Variants in MALRD1 observed in about 807,000 individuals in gnomAD.
MALRD1 encodes the protein MAM and LDL-receptor class A domain-containing protein 1.
MALRD1 carries 247 observed loss-of-function variants against 242.1 expected under a neutral mutation model. The observed-to-expected ratio is 1.02, with a 90% confidence interval of 0.92 to 1.13. MALRD1 has a LOEUF of 1.13. Ranked by LOEUF, MALRD1 falls within the 50% of genes most tolerant of loss-of-function variation. The pLI, the probability that MALRD1 is intolerant of heterozygous loss-of-function variation, is 0.00. For missense variants in MALRD1, 2,989 were observed against 2,533.1 expected, an observed-to-expected ratio of 1.18 and a Z score of -3.86; for synonymous variants, 995 against 866.6, an observed-to-expected ratio of 1.15 and a Z score of -2.60.
At chr10:19,639,559 G>T (rs1840294032) in intron 36 of MALRD1, among the ~76,000 whole-genome samples, 1 of 152,112 alleles carries the variant, frequency 6.6e-6, no homozygotes, top group African/African-American at 2.4e-5. Context: ...AAATCTCAGT[G>T]GTCCATTCCT....
rs1838370712 is a variant in MALRD1 at position 19,237,435 on chromosome 10, A to G, written c.2992-20249A>G. 1.4e-5 allele frequency among the ~76,000 whole-genome samples: 2 copies of G among 147,936 alleles called. 1 individual carries two copies. The highest frequency in any genetic ancestry group is 4.2e-4 in the South Asian group (2 of 4,788). ...TATTTCACTTAACATTGTATCCTAC[A>G]GGGTCATCCATGTTGTTGCAACTGG... On this transcript the variant is annotated intron_variant, in intron 18 of 39. Transcript: ENST00000454679.
intron 9 of MALRD1, among the ~76,000 whole-genome samples, chr10:19,135,904 G>C (rs1326340486): frequency 6.6e-6 from 1 of 152,064 alleles, no homozygotes; most frequent in Non-Finnish European, 1.5e-5. Context: ...TATTTCATTT[G>C]CTAATATTGC....
chr10:19,510,721 A>G (rs983634675), intron 31 of MALRD1, among the ~76,000 whole-genome samples: 1 of 152,256 alleles, frequency 6.6e-6, no homozygotes, highest in Non-Finnish European at 1.5e-5. Flanking sequence ...ACTTCTTTCT[A>G]CATAGACACA....
chr10:19,560,642 A>T (rs1022805825), intron 32 of MALRD1, among the ~76,000 whole-genome samples: 1 of 152,184 alleles, frequency 6.6e-6, no homozygotes, highest in Non-Finnish European at 1.5e-5. Context: ...ATAAAAAAGG[A>T]TGAGTTCATG....
intron 12 of MALRD1, among the ~76,000 whole-genome samples, chr10:19,165,242 A>AATATATATATATATATATATATATATAT (rs57449195): frequency 0.011 from 730 of 68,696 alleles, 31 homozygotes; most frequent in African/African-American, 0.012. Context: ...AGTTGTTTGG[A>AATATATATATATATATATATATATATAT]ATATATATAT....
intron 36 of MALRD1, among the ~76,000 whole-genome samples, chr10:19,640,864 T>G (rs1840353610): frequency 6.6e-6 from 1 of 152,184 alleles, no homozygotes; most frequent in African/African-American, 2.4e-5. Context: ...TAATGAAAAT[T>G]GTTTAAAAGG....
intron 14 of MALRD1, among the ~76,000 whole-genome samples, chr10:19,189,285 T>A (rs1342161175): frequency 6.6e-6 from 1 of 152,122 alleles, no homozygotes; most frequent in Non-Finnish European, 1.5e-5. Flanking sequence ...TGAATGGACC[T>A]ACAACTAGCA....
intron 5 of MALRD1, among the ~76,000 whole-genome samples, chr10:19,106,603 G>C (rs1289133566): frequency 1.3e-5 from 2 of 151,240 alleles, no homozygotes; most frequent in Non-Finnish European, 3.0e-5. Context: ...TGTTGTCTTT[G>C]GTATTGCTTT....
chr10:19,241,727 G>T (rs76909809), intron 18 of MALRD1, among the ~76,000 whole-genome samples: 1 of 151,908 alleles, frequency 6.6e-6, no homozygotes, highest in East Asian at 1.9e-4. Context: ...CTTTTGCTAC[G>T]TTCCATAGGT....
chr10:19,671,035 C>T (rs182077318), intron 36 of MALRD1, among the ~76,000 whole-genome samples: 29 of 152,092 alleles, frequency 1.9e-4, no homozygotes, highest in South Asian at 4.2e-4. Flanking sequence ...CCCGCCACCA[C>T]GCCTGGCTAA....
chr10:19,064,048 G>A (rs1834900096), intron 1 of MALRD1, among the ~76,000 whole-genome samples: 1 of 152,078 alleles, frequency 6.6e-6, no homozygotes, highest in Admixed American at 6.6e-5. Context: ...TATAATGAGA[G>A]AATCTGACAA....
At chr10:19,149,589 T>C (rs1158899089) in intron 11 of MALRD1, among the ~76,000 whole-genome samples, 2 of 152,200 alleles carry the variant, frequency 1.3e-5, no homozygotes, top group Admixed American at 1.3e-4. Context: ...TTAAGAAATA[T>C]ATTATCTTGT....
At chr10:19,569,698 TTATTA>T (rs924589461) in intron 33 of MALRD1, among the ~76,000 whole-genome samples, 10 of 147,102 alleles carry the variant, frequency 6.8e-5, no homozygotes, top group South Asian at 2.1e-4. Context: ...ATTGTTAATA[TTATTA>T]TATTATATAT....
Position 19,148,773 on chromosome 10 carries a change from TAAA to T in MALRD1, c.1558+2443_1558+2445del, listed in dbSNP as rs1174673634. Among the ~76,000 whole-genome samples the T allele has an allele frequency of 2.8e-3, 325 of 114,442 alleles. 3 individuals carry two copies. Among genetic ancestry groups the T allele is most frequent in the African/African-American group, 8.0e-3 (242 of 30,348 alleles). The allele number at this position is 114,442 out of a possible 152,430, so 75.1% of individuals were successfully genotyped here. A position where few individuals can be genotyped will look rare whatever the true frequency, so the allele number is the denominator to read the frequency against. On this transcript the variant is annotated intron_variant, in intron 11 of 39. Coordinates refer to ENST00000454679, the MANE Select transcript of MALRD1 (RefSeq NM_001142308.3). Reference sequence around the variant, plus strand: ...CTTTCTCATTTTAGAAAGGGCCAATTAAAAAAAAAAAAAAAATATATATATATA... The same window carrying T: ...CTTTCTCATTTTAGAAAGGGCCAATTAAAAAAAAAAAAATATATATATATA...
At chr10:19,577,569 T>C (rs1281796315) in intron 33 of MALRD1, among the ~76,000 whole-genome samples, 1 of 152,100 alleles carries the variant, frequency 6.6e-6, no homozygotes, top group African/African-American at 2.4e-5. Context: ...ATGACAACCA[T>C]GGAAAAATCA....
At chr10:19,516,475 C>T (rs1212755789) in intron 31 of MALRD1, among the ~76,000 whole-genome samples, 2 of 152,028 alleles carry the variant, frequency 1.3e-5, no homozygotes, top group Non-Finnish European at 2.9e-5. Flanking sequence ...ATGAAACTCA[C>T]TAATTTATTA....
At chr10:19,605,485 CTTTTTTTT>C (rs369007691) in intron 34 of MALRD1, among the ~76,000 whole-genome samples, 12 of 128,456 alleles carry the variant, frequency 9.3e-5, no homozygotes, top group African/African-American at 1.2e-4. Flanking sequence ...GTTTTTCTTT[CTTTTTTTT>C]TTTTTTTTTT....
At chr10:19,719,250 A>ACACATACATAT (rs1834625618) in intron 38 of MALRD1, among the ~76,000 whole-genome samples, 1 of 137,004 alleles carries the variant, frequency 7.3e-6, no homozygotes, top group Non-Finnish European at 1.5e-5. Flanking sequence ...ATATATATAT[A>ACACATACATAT]TATATATATG....
intron 5 of MALRD1, among the ~76,000 whole-genome samples, chr10:19,118,030 T>C (rs943472991): frequency 2.0e-5 from 3 of 152,164 alleles, no homozygotes; most frequent in South Asian, 2.1e-4. Flanking sequence ...ATAAAAAATA[T>C]AGTTTATGTC....
Sources: gnomAD v4.1 joint callset for allele counts (sites outside exome capture counted in the v4.1 genomes callset) on GRCh38, gnomAD v4.1.1 for gene constraint, MANE v1.5 for transcripts, NCBI Gene and HGNC (gene_info 2026-07-23, HGNC 2026-07-21) for gene names.